Variants in NLRP7 observed in about 807,000 individuals in gnomAD.
NLRP7 encodes the protein NLR family pyrin domain containing 7, also known as NACHT, LRR and PYD domains-containing protein 7.
A neutral mutation model predicts 85.5 loss-of-function variants in NLRP7; 72 were observed. The observed-to-expected ratio is 0.84, with a 90% CI of 0.70 to 1.02. NLRP7 has a LOEUF of 1.02. Ranked by LOEUF, NLRP7 falls within the 50% of genes least tolerant of loss-of-function variation. The probability of loss-of-function intolerance (pLI) is 0.00; values close to 1 mark genes in which losing one functional copy is unlikely to be tolerated. For synonymous variants in NLRP7, 550 were observed against 505.2 expected, an observed-to-expected ratio of 1.09 and a Z score of -1.19; for missense variants, 1,243 against 1,219.5, an observed-to-expected ratio of 1.02 and a Z score of -0.29.
rs758384759 is a variant in NLRP7, at chr19:54,939,786, G to A, written c.1033C>T (p.Arg345Cys). 15 of 1,613,992 alleles carry A rather than the reference G, an allele frequency of 9.3e-6. No homozygotes were observed. The East Asian group carries it at 1.1e-4, about 12-fold the overall frequency. ...TTGCTCCTCATTAGCTCAAAGGCACGCATGGCTTGGTCCTCGTCTCCAAAG... is the reference window on the plus strand; with the variant it reads ...TTGCTCCTCATTAGCTCAAAGGCACACATGGCTTGGTCCTCGTCTCCAAAG... Residue 345 changes from arginine to cysteine, a missense_variant, in exon 4 of 10, where the codon CGT becomes TGT. By Grantham distance (180) the Arg-to-Cys change is radical. Transcript: ENST00000340844.
At chr19:54,926,675 G>C (rs269927) in intron 9 of NLRP7, among the ~76,000 whole-genome samples, 83,521 of 151,660 alleles carry the variant, frequency 0.55, 23,211 homozygotes, top group East Asian at 0.72. Flanking sequence ...CAGCACTTTG[G>C]GAGGCCAAGG....
intron 8 of NLRP7, among the ~76,000 whole-genome samples, chr19:54,932,877 G>C (rs1187134377): frequency 2.0e-5 from 3 of 151,860 alleles, no homozygotes; most frequent in Admixed American, 6.6e-5. Context: ...GGCTGGTCTC[G>C]AACCTTAGGT....
chr19:54,936,540 G>A (rs1206122675), intron 5 of NLRP7, 109 bp from the exon 6 acceptor site: 1 of 1,002,394 alleles, frequency 1.0e-6, no homozygotes. Context: ...AGAAGTTCTT[G>A]GCCGGGTGCA....
intron 1 of NLRP7, among the ~76,000 whole-genome samples, chr19:54,944,603 C>CA (rs959299911): frequency 6.6e-6 from 1 of 152,040 alleles, no homozygotes; most frequent in African/African-American, 2.4e-5. Flanking sequence ...TTTCTTTTCT[C>CA]AGTCTCTCGT....
upstream of NLRP7, among the ~76,000 whole-genome samples, chr19:54,949,844 C>T (rs761237906): frequency 1.4e-4 from 22 of 151,942 alleles, no homozygotes; most frequent in Non-Finnish European, 2.9e-4. Flanking sequence ...GGCTCATGCC[C>T]GTAATCCCAA....
intron 1 of NLRP7, among the ~76,000 whole-genome samples, chr19:54,959,494 A>T (rs770914030): frequency 4.0e-5 from 6 of 150,972 alleles, no homozygotes; most frequent in Non-Finnish European, 8.9e-5. Flanking sequence ...ACAATATGAG[A>T]CGGTTTCTCT....
chr19:54,945,713 C>T (rs2069439867), intron 1 of NLRP7, among the ~76,000 whole-genome samples: 1 of 152,108 alleles, frequency 6.6e-6, no homozygotes, highest in African/African-American at 2.4e-5. Context: ...ATTCTAGTGC[C>T]TCAGCCTCTC....
At chr19:54,940,321 G>A (rs1000109704) in exon 4 of NLRP7, 2 of 1,614,192 alleles carry the variant, frequency 1.2e-6, no homozygotes, top group Non-Finnish European at 8.5e-7. Context: ...TTAGCTTCCT[G>A]GGTGTTCTGG....
chr19:54,927,623 C>G, intron 9 of NLRP7: 3 of 1,614,074 alleles, frequency 1.9e-6, no homozygotes, highest in Non-Finnish European at 2.5e-6. Context: ...CTTCAAGGAT[C>G]CAGTTCTTTG....
chr19:54,961,378 C>T lies in NLRP7; in HGVS notation c.-77+4662G>A, dbSNP rs868299356. On this transcript the variant is annotated intron_variant, in intron 1 of 2. Transcript: ENST00000587103. ...ATACAAAATTAGCTTGGTATGGTGGCGGGAGCCTATAATCCCAGCTAGGGC... is the reference window on the plus strand; with the variant it reads ...ATACAAAATTAGCTTGGTATGGTGGTGGGAGCCTATAATCCCAGCTAGGGC... Among the ~76,000 whole-genome samples the T allele has an allele frequency of 4.0e-5, 6 of 151,824 alleles. 1 individual carries two copies. The highest frequency in any genetic ancestry group is 6.6e-5 in the Admixed American group (1 of 15,210).
At chr19:54,958,932 A>G (rs551718747) in intron 1 of NLRP7, among the ~76,000 whole-genome samples, 4 of 152,204 alleles carry the variant, frequency 2.6e-5, no homozygotes, top group African/African-American at 9.6e-5. Flanking sequence ...TGCTGGTCAG[A>G]GAGAAAGAAT....
intron 1 of NLRP7, among the ~76,000 whole-genome samples, chr19:54,964,088 C>A (rs1204442075): frequency 3.3e-5 from 5 of 150,372 alleles, no homozygotes; most frequent in Non-Finnish European, 5.9e-5. Context: ...ATCATCTTGG[C>A]CAGGCTGGTC....
chr19:54,935,601 C>CGGG (rs1556728029), intron 6 of NLRP7, among the ~76,000 whole-genome samples: 1 of 150,966 alleles, frequency 6.6e-6, no homozygotes, highest in South Asian at 2.1e-4. Flanking sequence ...GAAGCTGAGG[C>CGGG]AGAACTGCTT....
chr19:54,926,675 G>T lies in NLRP7; in HGVS notation c.2811-2803C>A, dbSNP rs269927. On this transcript the variant is annotated intron_variant, in intron 9 of 9. Coordinates refer to ENST00000340844, the Ensembl canonical transcript of NLRP7. ...TCATGCCTGTAATCCCAGCACTTTG[G>T]GAGGCCAAGGCGAGAAGATCACCTG... 4.0e-5 allele frequency among the ~76,000 whole-genome samples: 6 copies of T among 151,756 alleles called. No individual in the cohort carries two copies. In the East Asian group the frequency reaches 5.9e-4, roughly 15 times the overall value.
chr19:54,964,025 ACC>A (rs1450488846), intron 1 of NLRP7, among the ~76,000 whole-genome samples: 1 of 143,512 alleles, frequency 7.0e-6, no homozygotes, highest in Non-Finnish European at 1.5e-5. Flanking sequence ...GATTACAGGC[ACC>A]CGCCACCACG....
chr19:54,941,764 AGG>A lies in NLRP7; in HGVS notation c.-39-16_-39-15del, dbSNP rs1246348216. On this transcript the variant is annotated splice_polypyrimidine_tract_variant and intron_variant, in intron 1 of 9. Coordinates refer to ENST00000340844, the Ensembl canonical transcript of NLRP7. ...AAGGCTGAAGAACTGGGGGGAAAAAAGGAAAAACAGTTCACGAGTTACCATCA... is the reference window on the plus strand; with the variant it reads ...AAGGCTGAAGAACTGGGGGGAAAAAAAAAAACAGTTCACGAGTTACCATCA... 1.3e-6 allele frequency: 2 copies of A among 1,574,952 alleles called. No individual in the cohort carries two copies. The highest frequency in any genetic ancestry group is 2.0e-5 in the Admixed American group (1 of 50,950).
chr19:54,949,463 AAG>A (rs150203367), upstream of NLRP7, among the ~76,000 whole-genome samples: 37 of 149,816 alleles, frequency 2.5e-4, no homozygotes, highest in Non-Finnish European at 4.0e-4. Flanking sequence ...AGCTGACAAA[AAG>A]AGAGAGAGAG....
intron 9 of NLRP7, 134 bp from the exon 11 acceptor site, chr19:54,924,006 T>A: frequency 1.1e-6 from 1 of 948,960 alleles, no homozygotes; most frequent in Non-Finnish European, 1.6e-6. Flanking sequence ...CTTGCTCTGT[T>A]GCCCAGGCTG....
chr19:54,925,918 T>G (rs2068412989), intron 9 of NLRP7, among the ~76,000 whole-genome samples: 2 of 151,378 alleles, frequency 1.3e-5, no homozygotes, highest in African/African-American at 2.4e-5. Context: ...GAGAATGGCG[T>G]GAACCCGGGA....
Sources: allele counts gnomAD v4.1 joint callset (sites outside exome capture counted in the v4.1 genomes callset), GRCh38; gene constraint gnomAD v4.1.1; transcripts MANE v1.5; gene names NCBI Gene and HGNC (gene_info 2026-07-23, HGNC 2026-07-21).